SRGAP1: variants seen among roughly 807,000 people sequenced by gnomAD.
The protein encoded by SRGAP1 is SLIT-ROBO Rho GTPase-activating protein 1.
Under a neutral mutation model 121.9 loss-of-function variants are expected in SRGAP1, and 43 were observed. That is an observed-to-expected ratio of 0.35 (90% CI 0.28 to 0.46). SRGAP1 has a LOEUF of 0.46. Among genes scored for constraint, SRGAP1 ranks in the 20% least tolerant of loss-of-function variants. The pLI is 1.00. For missense variants in SRGAP1, 1,102 were observed against 1,350.9 expected (o/e 0.82, Z 2.89); for synonymous variants, 447 against 485.4 (o/e 0.92, Z 1.04).
chr12:64,072,958 T>C (rs1345248277), intron 8 of SRGAP1, among the ~76,000 whole-genome samples: 3 of 152,218 alleles, frequency 2.0e-5, no homozygotes, highest in Non-Finnish European at 4.4e-5. Context: ...TTCAGTGCAG[T>C]GCATTCTTCT....
chr12:63,915,972 A>C (rs2030751693), intron 1 of SRGAP1, among the ~76,000 whole-genome samples: 1 of 151,654 alleles, frequency 6.6e-6, no homozygotes, highest in African/African-American at 2.4e-5. Flanking sequence ...AAAAGAGGCA[A>C]GTTTAAATTC....
chr12:64,118,894 GAC>G (rs2036562938), intron 18 of SRGAP1, among the ~76,000 whole-genome samples: 2 of 151,870 alleles, frequency 1.3e-5, no homozygotes, highest in South Asian at 4.2e-4. Context: ...TTTTAGTAGA[GAC>G]AGCATTTCAC....
chr12:63,848,426 A>G (rs1898974019), intron 1 of SRGAP1, among the ~76,000 whole-genome samples: 1 of 152,182 alleles, frequency 6.6e-6, no homozygotes. Flanking sequence ...AATTTTATGT[A>G]TAAGATCATA....
intron 1 of SRGAP1, among the ~76,000 whole-genome samples, chr12:63,914,503 A>T: frequency 6.6e-6 from 1 of 152,230 alleles, no homozygotes; most frequent in African/African-American, 2.4e-5. Context: ...GTCAAGAATT[A>T]TCTTTTTATG....
At chr12:63,868,589 T>C (rs1464174299) in intron 1 of SRGAP1, among the ~76,000 whole-genome samples, 1 of 152,158 alleles carries the variant, frequency 6.6e-6, no homozygotes, top group Non-Finnish European at 1.5e-5. Flanking sequence ...CTTGAACTCC[T>C]GGGCTCAAGC....
rs547814864 is a variant in SRGAP1 at position 64,111,050 on chromosome 12, T to G, written c.1920-712T>G. ...AGCATAGCAATAAAGAGCTGGCTTATTTTGAGTCACTGTGAAAATATTTCA... is the reference window on the plus strand; with the variant it reads ...AGCATAGCAATAAAGAGCTGGCTTAGTTTGAGTCACTGTGAAAATATTTCA... On this transcript the variant is annotated intron_variant, in intron 16 of 21. Coordinates refer to ENST00000355086, the MANE Select transcript of SRGAP1 (RefSeq NM_020762.4). Among the ~76,000 whole-genome samples, 367 of 152,342 alleles carry G rather than the reference T, an allele frequency of 2.4e-3. 1 individual carries two copies. The highest frequency in any genetic ancestry group is 8.4e-3 in the African/African-American group (350 of 41,582).
At chr12:63,943,548 A>C (rs186258471) in intron 1 of SRGAP1, among the ~76,000 whole-genome samples, 1 of 152,382 alleles carries the variant, frequency 6.6e-6, no homozygotes, top group Admixed American at 6.5e-5. Context: ...TGTAAGTGGT[A>C]AGAAATTTGA....
chr12:64,136,478 G>A (rs912158495), intron 21 of SRGAP1, among the ~76,000 whole-genome samples: 5 of 152,152 alleles, frequency 3.3e-5, no homozygotes, highest in African/African-American at 1.2e-4. Context: ...TAAAAACTAA[G>A]TAGATTTCAA....
At chr12:63,986,890 T>A (rs929453918) in intron 2 of SRGAP1, among the ~76,000 whole-genome samples, 1 of 152,320 alleles carries the variant, frequency 6.6e-6, no homozygotes, top group East Asian at 1.9e-4. Flanking sequence ...GTAAGCAGTT[T>A]GAAATTTTCT....
intron 1 of SRGAP1, among the ~76,000 whole-genome samples, chr12:63,974,210 CT>C (rs1370587351): frequency 2.0e-5 from 3 of 151,836 alleles, no homozygotes; most frequent in Admixed American, 6.6e-5. Context: ...AATTTATTGC[CT>C]TTTATCCTGG....
chr12:63,965,761 A>G (rs1469181596), intron 1 of SRGAP1, among the ~76,000 whole-genome samples: 1 of 152,210 alleles, frequency 6.6e-6, no homozygotes, highest in African/African-American at 2.4e-5. Flanking sequence ...CTACTTTTCC[A>G]ATTTTCTACA....
intron 4 of SRGAP1, among the ~76,000 whole-genome samples, chr12:64,035,574 C>T (rs2034887300): frequency 6.6e-6 from 1 of 152,192 alleles, no homozygotes; most frequent in Non-Finnish European, 1.5e-5. Context: ...TGTCACCATA[C>T]ATTGAAAAAG....
intron 1 of SRGAP1, among the ~76,000 whole-genome samples, chr12:63,870,384 A>G (rs1276637541): frequency 1.3e-5 from 2 of 152,112 alleles, no homozygotes; most frequent in Non-Finnish European, 1.5e-5. Flanking sequence ...GGGGAGAAAT[A>G]TTTTTTAAAA....
intron 1 of SRGAP1, among the ~76,000 whole-genome samples, chr12:63,956,072 T>C (rs919530709): frequency 3.9e-5 from 6 of 152,158 alleles, no homozygotes; most frequent in African/African-American, 1.4e-4. Context: ...AGTGATTTCT[T>C]TTTTTTGAGA....
At chr12:64,069,594 T>C (rs997057082) in intron 8 of SRGAP1, among the ~76,000 whole-genome samples, 8 of 152,142 alleles carry the variant, frequency 5.3e-5, no homozygotes, top group Middle Eastern at 3.2e-3. Flanking sequence ...CTTGTTCCCA[T>C]TTATTGTTTT....
intron 1 of SRGAP1, among the ~76,000 whole-genome samples, chr12:63,933,798 T>C (rs1466230298): frequency 6.6e-6 from 1 of 152,186 alleles, no homozygotes; most frequent in Non-Finnish European, 1.5e-5. Flanking sequence ...TCATAAAACT[T>C]TAATAACTAG....
At chr12:64,052,913 C>T (rs1290887796) in intron 6 of SRGAP1, among the ~76,000 whole-genome samples, 3 of 152,166 alleles carry the variant, frequency 2.0e-5, no homozygotes, top group Admixed American at 6.6e-5. Flanking sequence ...TTTTCACAAT[C>T]TTGCACAGTT....
intron 18 of SRGAP1, among the ~76,000 whole-genome samples, chr12:64,122,502 A>C (rs2036619437): frequency 6.6e-6 from 1 of 152,230 alleles, no homozygotes; most frequent in African/African-American, 2.4e-5. Context: ...TTGATGTACT[A>C]GGATTGCCAA....
At position 63,916,035 on chromosome 12, in the gene SRGAP1, T is replaced by TTC. The variant is rs749447720; in HGVS notation, c.68-67911_68-67910insCT. ...ATGGTGTCTTTTCTTTTCTTTTCTTTTTTTTTTTTTTTTTTGAGATGGGGT... is the reference window on the plus strand; with the variant it reads ...ATGGTGTCTTTTCTTTTCTTTTCTTTTCTTTTTTTTTTTTTTTGAGATGGGGT... On this transcript the variant is annotated intron_variant, in intron 1 of 21. Transcript: ENST00000355086. Among the ~76,000 whole-genome samples the TTC allele has an allele frequency of 2.2e-4, 14 of 63,328 alleles. No individual in the cohort carries two copies. In the East Asian group the frequency reaches 2.2e-3, roughly 10 times the overall value. The allele number at this position is 63,328 out of a possible 152,430, so 41.5% of individuals were successfully genotyped here.
Sources: allele counts gnomAD v4.1 joint callset (sites outside exome capture counted in the v4.1 genomes callset), GRCh38; gene constraint gnomAD v4.1.1; transcripts MANE v1.5; gene names NCBI Gene and HGNC (gene_info 2026-07-23, HGNC 2026-07-21).